DYSF: variants seen among roughly 807,000 people sequenced by gnomAD.
DYSF encodes the protein dystrophy-associated fer-1-like 1.
DYSF carries 212 observed loss-of-function variants against 274.9 expected under a neutral mutation model. The ratio of observed to expected loss-of-function variants is 0.77; its 90% CI spans 0.69 to 0.86. DYSF has a LOEUF of 0.86. Ranked by LOEUF, DYSF falls within the 40% of genes least tolerant of loss-of-function variation. The pLI, the probability that DYSF is intolerant of heterozygous loss-of-function variation, is 0.00. For missense variants in DYSF, 2,666 were observed against 2,783.2 expected (o/e 0.96, Z 0.95); for synonymous variants, 1,091 against 1,078.7 (o/e 1.01, Z -0.22).
intron 1 of DYSF, among the ~76,000 whole-genome samples, chr2:71,456,359 T>A (rs1229727945): frequency 1.3e-5 from 2 of 152,082 alleles, no homozygotes; most frequent in Non-Finnish European, 2.9e-5. Flanking sequence ...TTTCACGTCC[T>A]GCATTAGCCA....
intron 30 of DYSF, among the ~76,000 whole-genome samples, chr2:71,575,572 C>A (rs561914901): frequency 1.3e-5 from 2 of 152,198 alleles, no homozygotes; most frequent in Admixed American, 1.3e-4. Flanking sequence ...TGTTCTGTGG[C>A]CCCCTCTGCT....
chr2:71,662,630 ATG>A, intron 45 of DYSF, among the ~76,000 whole-genome samples: 1 of 65,732 alleles, frequency 1.5e-5, no homozygotes, highest in South Asian at 5.9e-4. Context: ...TCTGTGTGGC[ATG>A]TGTGTATTTT....
At chr2:71,568,847 C>T (rs1359916737) in intron 26 of DYSF, among the ~76,000 whole-genome samples, 2 of 151,810 alleles carry the variant, frequency 1.3e-5, no homozygotes, top group African/African-American at 4.8e-5. Flanking sequence ...AGGCTTGAGT[C>T]ACCACGCCTG....
At chr2:71,613,674 C>A (rs537236296) in intron 40 of DYSF, among the ~76,000 whole-genome samples, 1 of 151,840 alleles carries the variant, frequency 6.6e-6, no homozygotes, top group South Asian at 2.1e-4. Flanking sequence ...ACCCTGGGGG[C>A]CATGGTGAGG....
chr2:71,668,966 A>G (rs997642601), intron 49 of DYSF, 124 bp downstream of exon 49: 1 of 1,328,262 alleles, frequency 7.5e-7, no homozygotes, highest in Non-Finnish European at 1.1e-6. Flanking sequence ...CATGGAATAC[A>G]GTTCTCGTTT....
intron 22 of DYSF, among the ~76,000 whole-genome samples, chr2:71,560,421 C>CAGCACAGGGCTCCGGCCCAGGCCCCCCCA (rs1553548257): frequency 5.9e-5 from 9 of 151,630 alleles, no homozygotes; most frequent in East Asian, 3.9e-4. Context: ...AGGCAGGCCC[C>CAGCACAGGGCTCCGGCCCAGGCCCCCCCA]CGCCCCGCTA....
At chr2:71,524,528 A>G (rs2087641488) in intron 12 of DYSF, among the ~76,000 whole-genome samples, 1 of 152,184 alleles carries the variant, frequency 6.6e-6, no homozygotes, top group Admixed American at 6.5e-5. Flanking sequence ...GTTTTGCAGC[A>G]AGGATCCTGA....
At chr2:71,562,587 C>A (rs1230848960) in intron 23 of DYSF, among the ~76,000 whole-genome samples, 1 of 152,208 alleles carries the variant, frequency 6.6e-6, no homozygotes, top group African/African-American at 2.4e-5. Context: ...TGAGAAGCGT[C>A]TGCTCATAAG....
At chr2:71,499,789 C>T (rs954343995) in intron 3 of DYSF, among the ~76,000 whole-genome samples, 2 of 152,216 alleles carry the variant, frequency 1.3e-5, no homozygotes, top group African/African-American at 4.8e-5. Flanking sequence ...CTCCAGAGCA[C>T]AGCTAGCCAA....
intron 14 of DYSF, among the ~76,000 whole-genome samples, chr2:71,532,033 A>G (rs2088784267): frequency 6.6e-6 from 1 of 152,192 alleles, no homozygotes; most frequent in African/African-American, 2.4e-5. Flanking sequence ...CATAACTACC[A>G]TGAATAATGA....
At chr2:71,683,847 A>C (rs1049597178) in intron 55 of DYSF, among the ~76,000 whole-genome samples, 4 of 152,216 alleles carry the variant, frequency 2.6e-5, no homozygotes, top group Non-Finnish European at 5.9e-5. Context: ...CCTCCATCCC[A>C]CTGCAGCTGG....
At position 71,549,355 on chromosome 2, in the gene DYSF, C is replaced by A. The variant is rs368577086; in HGVS notation, c.1577-1686C>A. The stretch of plus-strand genomic sequence containing the variant: ...TCCATTTCTTTACGCTTCAGAGGAG[C>A]CTGCAGGTGCTGTCAAGCCTTCGAA... On this transcript the variant is annotated intron_variant, in intron 17 of 55. Transcript: ENST00000410020. The A allele has an allele frequency of 1.1e-5, 18 of 1,612,738 alleles. No homozygotes were observed. Among genetic ancestry groups the A allele is most frequent in the Non-Finnish European group, 1.5e-5 (18 of 1,179,286 alleles).
At chr2:71,602,697 A>G (rs1323819531) in intron 35 of DYSF, 79 bp from the exon 36 acceptor site, 5 of 1,525,096 alleles carry the variant, frequency 3.3e-6, no homozygotes, top group Non-Finnish European at 4.5e-6. Flanking sequence ...GTGCGCCTTG[A>G]TACTAATAGA....
intron 38 of DYSF, among the ~76,000 whole-genome samples, 177 bp from the exon 39 acceptor site, chr2:71,612,464 G>A (rs951552152): frequency 5.3e-5 from 8 of 152,206 alleles, no homozygotes; most frequent in African/African-American, 1.9e-4. Context: ...GCATTCAAGG[G>A]GCCGACAGAA....
Position 71,644,009 on chromosome 2 carries a change from A to G in DYSF, c.4572A>G (p.Ile1524Met). 6.2e-7 allele frequency: 1 copy of G among 1,612,608 alleles called. No homozygotes were observed. Among genetic ancestry groups the G allele is most frequent in the South Asian group, 1.1e-5 (1 of 90,506 alleles). Residue 1524 changes from isoleucine to methionine, a missense_variant, in exon 42 of 56, where the codon ATA (isoleucine) becomes ATG (methionine). This residue lies in a region of DYSF where 1,460 missense variants were observed against 1,502.1 expected (regional missense o/e 0.97). Transcript: ENST00000410020. ...IDWWSKFFAS[I>M]GEREKCGSYL... ...GGTGGAGCAAATTCTTTGCCTCCAT[A>G]GGGGAGAGGGAAAAGTGCGGCTCCT...
chr2:71,674,388 G>A (rs1285905448), intron 52 of DYSF, 92 bp downstream of exon 52: 2 of 1,287,054 alleles, frequency 1.6e-6, no homozygotes, highest in South Asian at 2.4e-5. Context: ...CCTTGGGGAA[G>A]CCTAGCAGGA....
intron 24 of DYSF, among the ~76,000 whole-genome samples, chr2:71,567,116 G>A (rs1242457311): frequency 1.3e-5 from 2 of 152,244 alleles, no homozygotes; most frequent in Non-Finnish European, 2.9e-5. Context: ...CTCAGGCCAT[G>A]TCTGACCTTT....
chr2:71,567,490 C>T (rs1486364564), intron 24 of DYSF, among the ~76,000 whole-genome samples: 3 of 152,232 alleles, frequency 2.0e-5, no homozygotes, highest in East Asian at 3.8e-4. Flanking sequence ...TTTATCTCCG[C>T]AGTCATACTG....
At chr2:71,620,910 A>G (rs993808629) in intron 41 of DYSF, among the ~76,000 whole-genome samples, 2 of 151,976 alleles carry the variant, frequency 1.3e-5, no homozygotes, top group African/African-American at 2.4e-5. Flanking sequence ...AAATCTCTCA[A>G]TTAGACTCTG....
Sources: gnomAD v4.1 joint callset for allele counts (sites outside exome capture counted in the v4.1 genomes callset) on GRCh38, gnomAD v4.1.1 for gene constraint, gnomAD v4.1.1 regional missense constraint, MANE v1.5 for transcripts, NCBI Gene and HGNC (gene_info 2026-07-23, HGNC 2026-07-21) for gene names.